Variants in GPC3 observed in about 807,000 individuals in gnomAD.
The protein encoded by GPC3 is glypican 3.
A neutral mutation model predicts 34.4 loss-of-function variants in GPC3; 3 were observed. That is an observed-to-expected ratio of 0.09 (90% CI 0.04 to 0.23). GPC3 has a LOEUF of 0.23. Ranked by LOEUF, GPC3 falls within the 10% of genes least tolerant of loss-of-function variation. The pLI, the probability that GPC3 is intolerant of heterozygous loss-of-function variation, is 1.00. For missense variants in GPC3, 351 were observed against 445.6 expected, an observed-to-expected ratio of 0.79 and a Z score of 1.91; for synonymous variants, 177 against 174.0, an observed-to-expected ratio of 1.02 and a Z score of -0.13.
At chrX:133,726,078 C>T (rs2071404394) in intron 3 of GPC3, among the ~76,000 whole-genome samples, 2 of 111,992 alleles carry the variant, frequency 1.8e-5, no homozygotes, top group African/African-American at 3.2e-5. Context: ...TAAGAAATAT[C>T]GCAAAAGATT....
At chrX:133,604,057 T>C (rs1249822160) in intron 6 of GPC3, among the ~76,000 whole-genome samples, 2 of 111,586 alleles carry the variant, frequency 1.8e-5, no homozygotes, top group East Asian at 2.8e-4. Context: ...GTTTAACATA[T>C]GTTCTCTCAC....
At chrX:133,916,682 C>A (rs1278233025) in intron 2 of GPC3, among the ~76,000 whole-genome samples, 1 of 111,135 alleles carries the variant, frequency 9.0e-6, no homozygotes, top group Non-Finnish European at 1.9e-5. Flanking sequence ...AGTTCAAGAC[C>A]AGCCTGGGTA....
intron 2 of GPC3, among the ~76,000 whole-genome samples, chrX:133,872,420 T>G (rs1013575887): frequency 8.9e-6 from 1 of 112,072 alleles, no homozygotes; most frequent in African/African-American, 3.2e-5. Context: ...TTCCTGTTTT[T>G]GTAAGTGTAA....
At chrX:133,554,169 A>G (rs2069464198) in intron 7 of GPC3, among the ~76,000 whole-genome samples, 1 of 110,242 alleles carries the variant, frequency 9.1e-6, no homozygotes, top group South Asian at 3.9e-4. Context: ...GCGCACCACC[A>G]TGCCCAGCTA....
intron 2 of GPC3, among the ~76,000 whole-genome samples, chrX:133,936,312 T>C (rs1440122776): frequency 1.8e-5 from 2 of 109,132 alleles, no homozygotes; most frequent in Non-Finnish European, 3.8e-5. Context: ...CTCATAACAA[T>C]TTGAGATTTA....
At chrX:133,729,925 C>A (rs2071446520) in intron 3 of GPC3, among the ~76,000 whole-genome samples, 1 of 112,045 alleles carries the variant, frequency 8.9e-6, no homozygotes, top group African/African-American at 3.2e-5. Context: ...TAATATAGAC[C>A]AAAGTGCTTT....
At chrX:133,643,720 T>A (rs1327452644) in intron 6 of GPC3, among the ~76,000 whole-genome samples, 1 of 111,623 alleles carries the variant, frequency 9.0e-6, no homozygotes, top group East Asian at 2.8e-4. Flanking sequence ...TGCACAACTG[T>A]GTTTTAAAAA....
chrX:133,763,398 C>T (rs2071816622), intron 2 of GPC3: 3 of 539,103 alleles, frequency 5.6e-6, no homozygotes, highest in Non-Finnish European at 1.0e-5. Context: ...TGCCTGATCT[C>T]TACTTCTACA....
At position 133,833,156 on chromosome X, in the gene GPC3, T is replaced by C. The variant is rs2075783532; in HGVS notation, c.338-78980A>G. On this transcript the variant is annotated intron_variant, in intron 2 of 7. Transcript: ENST00000370818. The stretch of plus-strand genomic sequence containing the variant: ...GAGGGAAATGGATACTGCAGGTTTT[T>C]ATAGTTAGGATGTCTTACGATCATC... 4.5e-5 allele frequency among the ~76,000 whole-genome samples: 5 copies of C among 112,031 alleles called. No individual in the cohort carries two copies. In the South Asian group the frequency reaches 1.9e-3, roughly 42 times the overall value.
intron 2 of GPC3, among the ~76,000 whole-genome samples, chrX:133,942,398 T>C (rs2124628814): frequency 9.0e-6 from 1 of 111,660 alleles, no homozygotes; most frequent in African/African-American, 3.2e-5. Flanking sequence ...ATAGAGAGGG[T>C]TGGATTAATA....
rs1243341299 is a variant in GPC3, at chrX:133,920,308, G to C, written c.337+32742C>G. On this transcript the variant is annotated intron_variant, in intron 2 of 7. Coordinates refer to ENST00000370818, the MANE Select transcript of GPC3 (RefSeq NM_004484.4). Reference sequence around the variant, plus strand: ...GCACAGACACCACACACTGCTCATAGGTATATAAATTGATCAAATTCTTCT... The same window carrying C: ...GCACAGACACCACACACTGCTCATACGTATATAAATTGATCAAATTCTTCT... 2.7e-5 allele frequency among the ~76,000 whole-genome samples: 3 copies of C among 111,719 alleles called. No individual in the cohort carries two copies. In the Admixed American group the frequency reaches 2.9e-4, roughly 11 times the overall value.
chrX:133,774,524 C>G (rs1160113759), intron 2 of GPC3, among the ~76,000 whole-genome samples: 1 of 110,719 alleles, frequency 9.0e-6, no homozygotes, highest in East Asian at 2.8e-4. Flanking sequence ...AATGTCAACC[C>G]AAGGTATAAG....
At chrX:133,584,625 C>T (rs1240810476) in intron 7 of GPC3, among the ~76,000 whole-genome samples, 2 of 111,477 alleles carry the variant, frequency 1.8e-5, no homozygotes, top group African/African-American at 3.3e-5. Context: ...ATGACAGGTG[C>T]GCACCACCAT....
At chrX:133,883,144 A>T (rs1201277844) in intron 2 of GPC3, among the ~76,000 whole-genome samples, 1 of 111,472 alleles carries the variant, frequency 9.0e-6, no homozygotes, top group African/African-American at 3.3e-5. Flanking sequence ...CTTTTTAACA[A>T]ATTAAAAAAC....
intron 2 of GPC3, among the ~76,000 whole-genome samples, chrX:133,772,999 G>A (rs2124495649): frequency 9.0e-6 from 1 of 111,156 alleles, no homozygotes; most frequent in South Asian, 3.9e-4. Context: ...GTTTCAAGTG[G>A]CATATTCACT....
chrX:133,652,975 G>A (rs1006691771), intron 6 of GPC3, among the ~76,000 whole-genome samples: 1 of 112,044 alleles, frequency 8.9e-6, no homozygotes, highest in African/African-American at 3.2e-5. Flanking sequence ...CTTCAATAAT[G>A]TTACCACCAA....
chrX:133,886,635 C>G (rs1327166328), intron 2 of GPC3, among the ~76,000 whole-genome samples: 2 of 111,793 alleles, frequency 1.8e-5, no homozygotes, highest in Non-Finnish European at 3.8e-5. Context: ...GTCTGGTAAC[C>G]AGCATTCTGC....
At chrX:133,734,402 A>G (rs910531487) in intron 3 of GPC3, among the ~76,000 whole-genome samples, 2 of 111,484 alleles carry the variant, frequency 1.8e-5, no homozygotes, top group African/African-American at 6.5e-5. Flanking sequence ...AACTTGAAAA[A>G]GAGTATTTAT....
intron 2 of GPC3, among the ~76,000 whole-genome samples, chrX:133,769,327 T>C (rs2071888362): frequency 2.7e-5 from 3 of 111,984 alleles, no homozygotes; most frequent in Non-Finnish European, 5.6e-5. Context: ...ATAGTGTCTA[T>C]AGTCAACGAT....
Sources: gnomAD v4.1 joint callset for allele counts (sites outside exome capture counted in the v4.1 genomes callset) on GRCh38, gnomAD v4.1.1 for gene constraint, MANE v1.5 for transcripts, NCBI Gene and HGNC (gene_info 2026-07-23, HGNC 2026-07-21) for gene names.